The following SAMD3 variants were observed in gnomAD, a reference collection of about 807,000 sequenced individuals.
The protein encoded by SAMD3 is sterile alpha motif domain containing 3, also known as sterile alpha motif domain-containing protein 3.
SAMD3 carries 63 observed loss-of-function variants against 58.5 expected under a neutral mutation model. The ratio of observed to expected loss-of-function variants is 1.08; its 90% CI spans 0.88 to 1.33. The LOEUF is 1.33. Ranked by LOEUF, SAMD3 falls within the 40% of genes most tolerant of loss-of-function variation. The pLI is 0.00. For missense variants in SAMD3, 604 were observed against 608.4 expected (o/e 0.99, Z 0.08); for synonymous variants, 220 against 210.3 (o/e 1.05, Z -0.40).
At chr6:130,192,488 G>A (rs945687557) in intron 5 of SAMD3, among the ~76,000 whole-genome samples, 14 of 151,944 alleles carry the variant, frequency 9.2e-5, no homozygotes, top group African/African-American at 3.4e-4. Flanking sequence ...GGCTCATCCT[G>A]GCTCAAAAGC....
intron 1 of SAMD3, among the ~76,000 whole-genome samples, chr6:130,324,033 C>T (rs1324744672): frequency 6.6e-6 from 1 of 152,026 alleles, no homozygotes; most frequent in Admixed American, 6.6e-5. Context: ...CATTTAACAT[C>T]TTGGAACTTT....
At chr6:130,181,881 T>C (rs1051178687) in intron 7 of SAMD3, among the ~76,000 whole-genome samples, 1 of 152,050 alleles carries the variant, frequency 6.6e-6, no homozygotes, top group Non-Finnish European at 1.5e-5. Flanking sequence ...CTGGCTAACA[T>C]GGTGAAAATC....
chr6:130,299,894 C>T (rs1775688475), intron 2 of SAMD3, among the ~76,000 whole-genome samples: 2 of 152,038 alleles, frequency 1.3e-5, no homozygotes, highest in Admixed American at 1.3e-4. Flanking sequence ...ATGAAACCTC[C>T]CAAGAGTGAA....
At chr6:130,253,463 G>A (rs1216540187) in intron 2 of SAMD3, among the ~76,000 whole-genome samples, 1 of 152,018 alleles carries the variant, frequency 6.6e-6, no homozygotes, top group African/African-American at 2.4e-5. Flanking sequence ...TACCTTGTGT[G>A]TTATTTTGAA....
chr6:130,255,690 G>C (rs2086163), intron 2 of SAMD3, among the ~76,000 whole-genome samples: 63,111 of 151,592 alleles, frequency 0.42, 14,221 homozygotes, highest in African/African-American at 0.58. Context: ...CACAAAATCT[G>C]ACTACATGGC....
chr6:130,224,594 TA>T (rs1318918624), upstream of SAMD3, among the ~76,000 whole-genome samples: 100 of 48,730 alleles, frequency 2.1e-3, no homozygotes, highest in African/African-American at 0.032. Flanking sequence ...TCTATTTATT[TA>T]TTATTATTAT....
intron 1 of SAMD3, among the ~76,000 whole-genome samples, chr6:130,339,859 T>C (rs1362918193): frequency 1.3e-5 from 2 of 149,708 alleles, no homozygotes; most frequent in African/African-American, 5.0e-5. Flanking sequence ...TAAGTCCTGA[T>C]TCAATGAAAG....
In SAMD3 at chr6:130,254,891, G is replaced by A. The variant is rs936292577; in HGVS notation, c.-187-32078C>T. On this transcript the variant is annotated intron_variant, in intron 2 of 13. Coordinates refer to the SAMD3 transcript ENST00000368134. ...CTTTTAAATTTTCTGGAGGTGTACA[G>A]TTGTTTATTTTATATCTTTCTTCTT... Among the ~76,000 whole-genome samples, 10 of 152,134 alleles carry A rather than the reference G, an allele frequency of 6.6e-5. 1 individual carries two copies. Among genetic ancestry groups the A allele is most frequent in the African/African-American group, 1.9e-4 (8 of 41,446 alleles).
chr6:130,259,237 AT>A (rs1258006832), intron 2 of SAMD3, among the ~76,000 whole-genome samples: 5 of 152,180 alleles, frequency 3.3e-5, no homozygotes, highest in Admixed American at 2.0e-4. Context: ...AAAAAGGTTT[AT>A]TTGGCTTATG....
intron 1 of SAMD3, among the ~76,000 whole-genome samples, chr6:130,359,018 G>T (rs1777912680): frequency 6.6e-6 from 1 of 152,120 alleles, no homozygotes; most frequent in Non-Finnish European, 1.5e-5. Context: ...GGGCTCATGA[G>T]CCCAGTTCCT....
At chr6:130,200,164 A>C (rs1331201393) in intron 5 of SAMD3, among the ~76,000 whole-genome samples, 1 of 152,136 alleles carries the variant, frequency 6.6e-6, no homozygotes, top group Non-Finnish European at 1.5e-5. Context: ...ACAGAAATGC[A>C]AAGTTTCAGA....
chr6:130,175,021 A>G (rs1327561997), intron 8 of SAMD3, among the ~76,000 whole-genome samples: 2 of 152,256 alleles, frequency 1.3e-5, no homozygotes, highest in Non-Finnish European at 2.9e-5. Context: ...GAAAAAGAAA[A>G]TAGAATATTT....
rs535401669 is a variant in SAMD3 at position 130,233,334 on chromosome 6, G to A, written c.-187-10521C>T. Among the ~76,000 whole-genome samples, 8 of 152,270 alleles carry A rather than the reference G, an allele frequency of 5.3e-5. No homozygotes were observed. In the East Asian group the frequency reaches 1.2e-3, roughly 22 times the overall value. On this transcript the variant is annotated intron_variant, in intron 2 of 13. Transcript: ENST00000368134. ...TGTTAAATAGGTATACATGTGCCAC[G>A]GTGGTTTGCTGCACCCATCAACCCT...
At chr6:130,308,413 C>CTATTCTATT (rs1776016741) in intron 2 of SAMD3, among the ~76,000 whole-genome samples, 2 of 140,088 alleles carry the variant, frequency 1.4e-5, no homozygotes, top group African/African-American at 5.4e-5. Context: ...CTATTCTATT[C>CTATTCTATT]TATTCTATTC....
At chr6:130,283,980 T>A (rs1203585247) in intron 2 of SAMD3, among the ~76,000 whole-genome samples, 2 of 152,202 alleles carry the variant, frequency 1.3e-5, no homozygotes, top group Non-Finnish European at 2.9e-5. Flanking sequence ...TAGCTGTGAT[T>A]TCCATGTGAT....
intron 5 of SAMD3, among the ~76,000 whole-genome samples, chr6:130,193,963 T>C (rs1310935309): frequency 1.3e-5 from 2 of 152,024 alleles, no homozygotes; most frequent in South Asian, 2.1e-4. Flanking sequence ...GTCTTTCTAA[T>C]CTTCCTTTTC....
chr6:130,227,556 G>C (rs1459478086), upstream of SAMD3, among the ~76,000 whole-genome samples: 2 of 152,162 alleles, frequency 1.3e-5, no homozygotes, highest in Admixed American at 1.3e-4. Context: ...GAGAGGCCAA[G>C]GTGGGTGGAT....
At chr6:130,182,591 A>G (rs1243479887) in intron 7 of SAMD3, among the ~76,000 whole-genome samples, 1 of 149,684 alleles carries the variant, frequency 6.7e-6, no homozygotes, top group African/African-American at 2.5e-5. Flanking sequence ...GTAAATACAA[A>G]TAAGGAAGGA....
At chr6:130,303,881 T>C (rs1383992709) in intron 2 of SAMD3, among the ~76,000 whole-genome samples, 1 of 152,236 alleles carries the variant, frequency 6.6e-6, no homozygotes, top group Non-Finnish European at 1.5e-5. Flanking sequence ...GTGTTGCAAG[T>C]CTATCTTCCA....
Sources: allele counts gnomAD v4.1 joint callset (sites outside exome capture counted in the v4.1 genomes callset), GRCh38; gene constraint gnomAD v4.1.1; transcripts MANE v1.5; gene names NCBI Gene and HGNC (gene_info 2026-07-23, HGNC 2026-07-21).